Variants in SMAGP observed in about 807,000 individuals in gnomAD.
The protein encoded by SMAGP is small cell adhesion glycoprotein.
SMAGP carries 7 observed loss-of-function variants against 10.1 expected under a neutral mutation model. The observed-to-expected ratio is 0.70, with a 90% CI of 0.40 to 1.31. SMAGP has a LOEUF of 1.31. Among genes scored for constraint, SMAGP ranks in the 50% most tolerant of loss-of-function variants. The probability of loss-of-function intolerance (pLI) is 0.01; values close to 1 mark genes in which losing one functional copy is unlikely to be tolerated. For missense variants in SMAGP, 113 were observed against 116.5 expected (o/e 0.97, Z 0.14); for synonymous variants, 49 against 47.2 (o/e 1.04, Z -0.16).
intron 2 of SMAGP, among the ~76,000 whole-genome samples, chr12:51,260,215 T>C (rs1468402602): frequency 6.8e-6 from 1 of 147,390 alleles, no homozygotes; most frequent in Non-Finnish European, 1.5e-5. Context: ...TCTTTTTTTT[T>C]TTTTTTTTTT....
chr12:51,249,719 C>T (rs932781171), intron 2 of SMAGP, among the ~76,000 whole-genome samples: 8 of 151,898 alleles, frequency 5.3e-5, no homozygotes, highest in East Asian at 1.9e-4. Context: ...CTGGCTCAAG[C>T]GATTCTTCTG....
At chr12:51,250,149 C>T (rs1001108702) in intron 2 of SMAGP, among the ~76,000 whole-genome samples, 1 of 146,446 alleles carries the variant, frequency 6.8e-6, no homozygotes, top group Non-Finnish European at 1.5e-5. Context: ...GTGGGAAGAT[C>T]GCTTGAGGCC....
In SMAGP at chr12:51,245,189, C is replaced by T. The variant is rs1174362884; in HGVS notation, c.*752G>A. 1 of 152,156 alleles carries T rather than the reference C, an allele frequency of 6.6e-6. No individual in the cohort carries two copies. Among genetic ancestry groups the T allele is most frequent in the Non-Finnish European group, 1.5e-5 (1 of 68,040 alleles). 9.4% of individuals were successfully genotyped at this position (152,156 alleles called of 1,614,324 possible). A position where few individuals can be genotyped will look rare whatever the true frequency, so the allele number is the denominator to read the frequency against. On this transcript the variant is annotated 3_prime_UTR_variant, in exon 4 of 4. Transcript: ENST00000603798. ...AAGCTTTCCTGCACCATCTTTGTCT[C>T]AAATCCCTGAGATAGTTCTGCAAAC...
rs1334333184 is a variant in SMAGP, at chr12:51,254,683, T to C, written c.35-7852A>G. 2.0e-5 allele frequency among the ~76,000 whole-genome samples: 3 copies of C among 152,194 alleles called. No individual in the cohort carries two copies. In the East Asian group the frequency reaches 5.8e-4, roughly 29 times the overall value. The stretch of plus-strand genomic sequence containing the variant: ...GTTGGAGTTGTGGTTTTAGAGAAGG[T>C]TGTCAGGGGAAGCTTTACTGATGAG... On this transcript the variant is annotated intron_variant, in intron 2 of 3. Transcript: ENST00000603798.
intron 2 of SMAGP, among the ~76,000 whole-genome samples, chr12:51,262,054 A>G (rs1415246228): frequency 2.0e-5 from 3 of 151,394 alleles, no homozygotes; most frequent in Non-Finnish European, 4.4e-5. Context: ...CCTGGGCAAC[A>G]TAGCGAGACC....
chr12:51,268,084 G>T (rs1944992607), intron 2 of SMAGP, among the ~76,000 whole-genome samples: 1 of 152,098 alleles, frequency 6.6e-6, no homozygotes, highest in African/African-American at 2.4e-5. Context: ...CTAAAAGGTG[G>T]GCATCCATTC....
chr12:51,259,315 TGTTGC>T (rs371650508), intron 2 of SMAGP, among the ~76,000 whole-genome samples: 2 of 152,294 alleles, frequency 1.3e-5, no homozygotes, highest in African/African-American at 4.8e-5. Context: ...AGTCTTACTG[TGTTGC>T]CTAGGCTAGT....
chr12:51,249,563 T>C (rs1944816177), intron 2 of SMAGP, among the ~76,000 whole-genome samples: 1 of 152,140 alleles, frequency 6.6e-6, no homozygotes, highest in Non-Finnish European at 1.5e-5. Context: ...AAGTCTTCTG[T>C]GTCAACTGTT....
At chr12:51,260,417 C>A (rs1944922137) in intron 2 of SMAGP, among the ~76,000 whole-genome samples, 1 of 151,816 alleles carries the variant, frequency 6.6e-6, no homozygotes, top group Admixed American at 6.6e-5. Context: ...CGCTCTGTCA[C>A]CCAGGCTGGA....
intron 2 of SMAGP, among the ~76,000 whole-genome samples, chr12:51,268,573 C>CCTTCCTTCCTTT (rs1444913951): frequency 2.1e-5 from 3 of 139,924 alleles, no homozygotes; most frequent in Admixed American, 1.5e-4. Context: ...TTCCTTCCTT[C>CCTTCCTTCCTTT]CTTCCTTTCC....
intron 2 of SMAGP, chr12:51,251,733 C>T (rs536529385): frequency 6.6e-6 from 1 of 152,272 alleles, no homozygotes; most frequent in East Asian, 1.9e-4. Flanking sequence ...CAGTGTAATG[C>T]AGAAGTCATG....
intron 2 of SMAGP, among the ~76,000 whole-genome samples, chr12:51,253,369 C>G (rs7968303): frequency 0.018 from 2,799 of 152,196 alleles, 74 homozygotes; most frequent in African/African-American, 0.064. Flanking sequence ...CAGGATTAAA[C>G]AGAATTACCC....
intron 2 of SMAGP, among the ~76,000 whole-genome samples, chr12:51,263,739 C>T (rs1944949240): frequency 6.6e-6 from 1 of 152,248 alleles, no homozygotes; most frequent in African/African-American, 2.4e-5. Context: ...CACAGTTCCA[C>T]TCTGCCCTAC....
At chr12:51,247,543 G>A (rs901438313) in intron 2 of SMAGP, among the ~76,000 whole-genome samples, 7 of 151,986 alleles carry the variant, frequency 4.6e-5, no homozygotes, top group Admixed American at 3.3e-4. Flanking sequence ...CATTACCCAG[G>A]GACAGAACAT....
chr12:51,249,583 G>A (rs1422004484), intron 2 of SMAGP, among the ~76,000 whole-genome samples: 2 of 151,940 alleles, frequency 1.3e-5, no homozygotes, highest in Non-Finnish European at 2.9e-5. Context: ...TGTGAGAGCT[G>A]AGGAAAAATG....
At position 51,267,466 on chromosome 12, in the gene SMAGP, T is replaced by TC. The variant is rs58505496; in HGVS notation, c.34+1778dup. Among the ~76,000 whole-genome samples, 529 of 136,264 alleles carry TC rather than the reference T, an allele frequency of 3.9e-3. 3 individuals carry two copies. Among genetic ancestry groups the TC allele is most frequent in the Non-Finnish European group, 6.0e-3 (382 of 64,018 alleles). 89.4% of individuals were successfully genotyped at this position (136,264 alleles called of 152,430 possible). A position where few individuals can be genotyped will look rare whatever the true frequency, so the allele number is the denominator to read the frequency against. ...ACCCATGAAGCCTTTGCTGACCTAT[T>TC]CCCCCCCCCCACTCCGTGTCCCCCT... On this transcript the variant is annotated intron_variant, in intron 2 of 3. Transcript: ENST00000603798.
intron 2 of SMAGP, among the ~76,000 whole-genome samples, chr12:51,255,093 T>A (rs1177193017): frequency 6.6e-6 from 1 of 152,194 alleles, no homozygotes; most frequent in Non-Finnish European, 1.5e-5. Context: ...TGGAGTGCCA[T>A]GGTATGATCA....
chr12:51,267,945 G>A (rs751499218), intron 2 of SMAGP, among the ~76,000 whole-genome samples: 5 of 152,210 alleles, frequency 3.3e-5, no homozygotes, highest in Non-Finnish European at 5.9e-5. Context: ...AATGACAAAT[G>A]TGACTGTGTA....
At chr12:51,251,419 A>C (rs1213815350) in intron 2 of SMAGP, 4 of 33,610 alleles carry the variant, frequency 1.2e-4, no homozygotes, top group East Asian at 4.3e-4. Flanking sequence ...CCATCTCTAC[A>C]AAAAAAAAAA....
Sources: allele counts gnomAD v4.1 joint callset (sites outside exome capture counted in the v4.1 genomes callset), GRCh38; gene constraint gnomAD v4.1.1; transcripts MANE v1.5; gene names NCBI Gene and HGNC (gene_info 2026-07-23, HGNC 2026-07-21).